The following TPP2 variants were observed in gnomAD, a reference collection of about 807,000 sequenced individuals.
The protein encoded by TPP2 is tripeptidyl-peptidase 2.
Under a neutral mutation model 155.9 loss-of-function variants are expected in TPP2, and 34 were observed. The observed-to-expected ratio is 0.22, with a 90% confidence interval of 0.17 to 0.29. The LOEUF (loss-of-function observed/expected upper bound fraction) is 0.29, where lower values mean the gene tolerates loss of function less well. Among genes scored for constraint, TPP2 ranks in the 10% least tolerant of loss-of-function variants. The pLI, the probability that TPP2 is intolerant of heterozygous loss-of-function variation, is 1.00. For missense variants in TPP2, 1,028 were observed against 1,522.3 expected, an observed-to-expected ratio of 0.68 and a Z score of 5.40; for synonymous variants, 510 against 529.4, an observed-to-expected ratio of 0.96 and a Z score of 0.50.
At chr13:102,635,765 T>TC in intron 12 of TPP2, 63 bp downstream of exon 12, 7 of 1,242,242 alleles carry the variant, frequency 5.6e-6, no homozygotes, top group Non-Finnish European at 8.1e-6. Context: ...TTAGATATTA[T>TC]TGGGTAATAT....
chr13:102,638,442 T>C, intron 15 of TPP2, 127 bp downstream of exon 15: 1 of 1,005,498 alleles, frequency 9.9e-7, no homozygotes, highest in Non-Finnish European at 1.5e-6. Flanking sequence ...TTAGTTCTGC[T>C]CCCAGCTAGC....
At chr13:102,632,792 C>T (rs1349311582) in intron 10 of TPP2, among the ~76,000 whole-genome samples, 1 of 152,174 alleles carries the variant, frequency 6.6e-6, no homozygotes, top group East Asian at 1.9e-4. Flanking sequence ...TATTGATGAA[C>T]ATCCTTTTAG....
chr13:102,658,358 A>G (rs1279570100), intron 25 of TPP2, among the ~76,000 whole-genome samples: 1 of 152,174 alleles, frequency 6.6e-6, no homozygotes, highest in Non-Finnish European at 1.5e-5. Context: ...TTTCCCACTT[A>G]AAACTAAATT....
At chr13:102,604,106 C>A (rs1879631453) in intron 1 of TPP2, among the ~76,000 whole-genome samples, 1 of 152,104 alleles carries the variant, frequency 6.6e-6, no homozygotes, top group African/African-American at 2.4e-5. Context: ...TGGAGAAAAT[C>A]AGGTGGTGGG....
chr13:102,673,224 C>CT (rs1885087816), intron 27 of TPP2, among the ~76,000 whole-genome samples: 2 of 152,190 alleles, frequency 1.3e-5, no homozygotes, highest in Non-Finnish European at 2.9e-5. Context: ...GCCCTTGAGC[C>CT]TTCAAGTTGT....
At chr13:102,619,848 A>G (rs1174130785) in intron 5 of TPP2, among the ~76,000 whole-genome samples, 1 of 152,236 alleles carries the variant, frequency 6.6e-6, no homozygotes, top group African/African-American at 2.4e-5. Context: ...ATTATTTTCC[A>G]GAGGCTTTAT....
At chr13:102,657,379 TTATAAA>T (rs2139572182) in intron 25 of TPP2, among the ~76,000 whole-genome samples, 172 bp downstream of exon 25, 1 of 151,822 alleles carries the variant, frequency 6.6e-6, no homozygotes, top group East Asian at 1.9e-4. Context: ...TTTATTTAAA[TTATAAA>T]TATATAATTT....
rs572762039 is a variant in TPP2 at position 102,633,760 on chromosome 13, T to A, written c.1245-190T>A. Among the ~76,000 whole-genome samples the A allele has an allele frequency of 9.2e-5, 14 of 152,348 alleles. No homozygotes were observed. In the South Asian group the frequency reaches 2.3e-3, roughly 25 times the overall value. On this transcript the variant is annotated intron_variant, in intron 10 of 29. Coordinates refer to ENST00000376052, the MANE Select transcript of TPP2 (RefSeq NM_001330588.2). ...TTACAAGGAAAAAATAAATGCTGCCTATGGGAAAATGGCTCTGCTGGGTGT... is the reference window on the plus strand; with the variant it reads ...TTACAAGGAAAAAATAAATGCTGCCAATGGGAAAATGGCTCTGCTGGGTGT...
At chr13:102,645,790 G>GC (rs1595183643) in intron 19 of TPP2, among the ~76,000 whole-genome samples, 1 of 152,104 alleles carries the variant, frequency 6.6e-6, no homozygotes, top group East Asian at 1.9e-4. Context: ...TATAAAATCT[G>GC]TACATTAGCA....
chr13:102,610,288 G>A (rs1880181873), intron 2 of TPP2, among the ~76,000 whole-genome samples: 1 of 151,906 alleles, frequency 6.6e-6, no homozygotes, highest in African/African-American at 2.4e-5. Flanking sequence ...GAGTGCAGTG[G>A]TGTGATCTTG....
chr13:102,617,975 C>T (rs558083247), intron 4 of TPP2, among the ~76,000 whole-genome samples: 20 of 152,140 alleles, frequency 1.3e-4, no homozygotes, highest in Non-Finnish European at 1.8e-4. Flanking sequence ...TAGAGATATT[C>T]GTCTCAATTT....
chr13:102,607,229 A>G (rs1374629151), intron 2 of TPP2, among the ~76,000 whole-genome samples: 1 of 152,198 alleles, frequency 6.6e-6, no homozygotes, highest in East Asian at 1.9e-4. Context: ...CTTATCTGAA[A>G]CGCTGGGGAC....
chr13:102,632,219 A>G (rs1192320910), intron 10 of TPP2, among the ~76,000 whole-genome samples: 1 of 152,048 alleles, frequency 6.6e-6, no homozygotes, highest in African/African-American at 2.4e-5. Context: ...TTGAATTTTA[A>G]GGAAACATTT....
chr13:102,604,144 G>A (rs893564617), intron 1 of TPP2, among the ~76,000 whole-genome samples: 2 of 152,132 alleles, frequency 1.3e-5, no homozygotes, highest in African/African-American at 4.8e-5. Flanking sequence ...ACTTTGTTGC[G>A]TTTGAGGTGC....
At chr13:102,661,081 A>T (rs1884178791) in intron 25 of TPP2, among the ~76,000 whole-genome samples, 1 of 148,050 alleles carries the variant, frequency 6.8e-6, no homozygotes, top group African/African-American at 2.5e-5. Flanking sequence ...ATTTTTAAAG[A>T]TACCAAAAGC....
In TPP2 at chr13:102,616,589, G is replaced by T; in HGVS notation, c.495+89G>T. 5.4e-6 allele frequency: 6 copies of T among 1,103,616 alleles called. No homozygotes were observed. The South Asian group carries it at 8.0e-5, about 15-fold the overall frequency. 68.4% of individuals were successfully genotyped at this position (1,103,616 alleles called of 1,614,324 possible). A position where few individuals can be genotyped will look rare whatever the true frequency, so the allele number is the denominator to read the frequency against. On this transcript the variant is annotated intron_variant, in intron 4 of 29. Coordinates refer to ENST00000376052, the MANE Select transcript of TPP2 (RefSeq NM_001330588.2). ...GAACTAATAGACTGTTTTTCCACAA[G>T]TTTTCTTTTTTCACAAATTTTCTTT...
intron 1 of TPP2, among the ~76,000 whole-genome samples, chr13:102,599,772 A>G (rs1044341604): frequency 6.6e-6 from 1 of 152,144 alleles, no homozygotes; most frequent in Non-Finnish European, 1.5e-5. Flanking sequence ...AGTCTTGCAA[A>G]CTGTCACTCT....
chr13:102,624,477 C>G (rs1017037490), intron 6 of TPP2, among the ~76,000 whole-genome samples: 1 of 152,080 alleles, frequency 6.6e-6, no homozygotes, highest in Non-Finnish European at 1.5e-5. Flanking sequence ...TACTCATTAC[C>G]CCCAAAAGTT....
chr13:102,608,584 A>T (rs954526389), intron 2 of TPP2, among the ~76,000 whole-genome samples: 2 of 152,096 alleles, frequency 1.3e-5, no homozygotes, highest in Non-Finnish European at 2.9e-5. Context: ...TGAATTTTTT[A>T]AAATTTTGCC....
Sources: allele counts gnomAD v4.1 joint callset (sites outside exome capture counted in the v4.1 genomes callset), GRCh38; gene constraint gnomAD v4.1.1; transcripts MANE v1.5; gene names NCBI Gene and HGNC (gene_info 2026-07-23, HGNC 2026-07-21).